Variants in CDK12 observed in about 807,000 individuals in gnomAD.
CDK12 encodes the protein cyclin-dependent kinase 12.
A neutral mutation model predicts 133.8 loss-of-function variants in CDK12; 17 were observed. That is an observed-to-expected ratio of 0.13 (90% CI 0.09 to 0.19). The LOEUF (loss-of-function observed/expected upper bound fraction) is 0.19, where lower values mean the gene tolerates loss of function less well. Ranked by LOEUF, CDK12 falls within the 10% of genes least tolerant of loss-of-function variation. The pLI, the probability that CDK12 is intolerant of heterozygous loss-of-function variation, is 1.00. For missense variants in CDK12, 1,508 were observed against 1,818.7 expected, an observed-to-expected ratio of 0.83 and a Z score of 3.11; for synonymous variants, 694 against 683.6, an observed-to-expected ratio of 1.02 and a Z score of -0.24.
Position 39,498,011 on chromosome 17 carries a change from C to CT in CDK12, c.2420-3229dup, listed in dbSNP as rs67700223. 2.8e-3 allele frequency among the ~76,000 whole-genome samples: 423 copies of CT among 149,012 alleles called. 2 individuals are homozygous for CT. Among genetic ancestry groups the CT allele is most frequent in the African/African-American group, 9.6e-3 (388 of 40,446 alleles). The stretch of plus-strand genomic sequence containing the variant: ...TCTCTCTCTCTTTCTCTCTTTCTTT[C>CT]TTTTTTTTTTGGGACAGAGTCTTGC... On this transcript the variant is annotated intron_variant, in intron 5 of 13. Coordinates refer to ENST00000447079, the MANE Select transcript of CDK12 (RefSeq NM_016507.4).
chr17:39,477,840 T>C (rs1448242165), intron 2 of CDK12, among the ~76,000 whole-genome samples: 2 of 152,062 alleles, frequency 1.3e-5, no homozygotes, highest in Non-Finnish European at 2.9e-5. Context: ...CCCAAAGTGC[T>C]GGGATTACAG....
chr17:39,486,079 A>G (rs560640629), intron 2 of CDK12, among the ~76,000 whole-genome samples: 24 of 150,146 alleles, frequency 1.6e-4, no homozygotes, highest in Non-Finnish European at 2.8e-4. Flanking sequence ...CAGGTTCCCA[A>G]GTAGCTGGGA....
chr17:39,485,962 T>TC (rs1398242744), intron 2 of CDK12, among the ~76,000 whole-genome samples: 1 of 151,528 alleles, frequency 6.6e-6, no homozygotes, highest in African/African-American at 2.4e-5. Flanking sequence ...TTTTTCTTTT[T>TC]TTTTTTTTGA....
intron 7 of CDK12, among the ~76,000 whole-genome samples, chr17:39,510,375 T>C (rs1598113737): frequency 6.6e-6 from 1 of 152,170 alleles, no homozygotes; most frequent in East Asian, 1.9e-4. Context: ...TGCCTCAGCT[T>C]CTCAGAGTGC....
intron 2 of CDK12, among the ~76,000 whole-genome samples, chr17:39,479,308 GAAAAA>G (rs34077108): frequency 1.0e-5 from 1 of 100,448 alleles, no homozygotes; most frequent in African/African-American, 4.0e-5. Flanking sequence ...GACTCCGTCT[GAAAAA>G]AAAAAAAAAA....
intron 2 of CDK12, among the ~76,000 whole-genome samples, chr17:39,489,984 A>T (rs571429800): frequency 1.3e-4 from 20 of 151,856 alleles, no homozygotes; most frequent in Admixed American, 9.2e-4. Context: ...AATCTTAGGA[A>T]CGATATATTA....
chr17:39,492,312 G>T (rs2051688557), intron 3 of CDK12, among the ~76,000 whole-genome samples: 1 of 149,248 alleles, frequency 6.7e-6, no homozygotes, highest in Non-Finnish European at 1.5e-5. Flanking sequence ...TAGCCAGGAT[G>T]GTCTCTATCT....
chr17:39,487,890 C>T lies in CDK12; in HGVS notation c.1932-2667C>T, dbSNP rs555200596. ...TTGGCCTCCCAAAGTGTTGGTATTA[C>T]GGGCATGAGCCACCACACCTGGCTC... is the stretch of plus-strand genomic sequence containing the variant. On this transcript the variant is annotated intron_variant, in intron 2 of 13. Transcript: ENST00000447079. Among the ~76,000 whole-genome samples the T allele has an allele frequency of 3.9e-5, 6 of 152,098 alleles. No individual in the cohort carries two copies. The South Asian group carries it at 1.2e-3, about 32-fold the overall frequency.
At chr17:39,510,026 T>C (rs2053383014) in intron 7 of CDK12, among the ~76,000 whole-genome samples, 1 of 151,760 alleles carries the variant, frequency 6.6e-6, no homozygotes, top group Admixed American at 6.6e-5. Flanking sequence ...AGTCTTGAAC[T>C]CCTGGGCTCA....
chr17:39,520,168 T>G, intron 11 of CDK12, 81 bp downstream of exon 11: 1 of 1,485,324 alleles, frequency 6.7e-7, no homozygotes, highest in African/African-American at 1.4e-5. Flanking sequence ...GAACCACAGA[T>G]GCCCAGTAAG....
chr17:39,537,958 C>G (rs2055218016), downstream of CDK12, among the ~76,000 whole-genome samples: 1 of 152,028 alleles, frequency 6.6e-6, no homozygotes, highest in Non-Finnish European at 1.5e-5. Context: ...CTTAGAGATT[C>G]ACAGTTCATT....
intron 1 of CDK12, among the ~76,000 whole-genome samples, chr17:39,466,001 A>G (rs1043551734): frequency 6.6e-6 from 1 of 152,034 alleles, no homozygotes; most frequent in Admixed American, 6.6e-5. Context: ...AGCATATCTC[A>G]TGTTCTCTTA....
upstream of CDK12, among the ~76,000 whole-genome samples, chr17:39,545,468 G>A (rs576497907): frequency 2.7e-5 from 4 of 147,576 alleles, no homozygotes; most frequent in African/African-American, 7.5e-5. Flanking sequence ...GATTATAGAC[G>A]TGAGCCACTG....
At chr17:39,484,748 G>C (rs1215984668) in intron 2 of CDK12, among the ~76,000 whole-genome samples, 3 of 151,974 alleles carry the variant, frequency 2.0e-5, no homozygotes, top group East Asian at 1.9e-4. Context: ...CCAAAATCAG[G>C]AACATTTTTA....
upstream of CDK12, among the ~76,000 whole-genome samples, chr17:39,545,291 A>C (rs2055629449): frequency 6.6e-6 from 1 of 151,024 alleles, no homozygotes; most frequent in Non-Finnish European, 1.5e-5. Flanking sequence ...GCCTCAGGTG[A>C]TTTCTCCTAC....
intron 8 of CDK12, among the ~76,000 whole-genome samples, chr17:39,512,235 G>A (rs8069155): frequency 0.015 from 2,248 of 152,132 alleles, 57 homozygotes; most frequent in African/African-American, 0.051. Context: ...GACTACAGGC[G>A]TATGTTGCCA....
intron 1 of CDK12, among the ~76,000 whole-genome samples, chr17:39,467,986 C>T (rs917899597): frequency 3.9e-5 from 6 of 151,938 alleles, no homozygotes; most frequent in South Asian, 2.1e-4. Context: ...CTCCGCCTCC[C>T]GGGTTCAAGC....
At chr17:39,491,677 GC>G (rs774623658) in intron 3 of CDK12, among the ~76,000 whole-genome samples, 2 of 150,918 alleles carry the variant, frequency 1.3e-5, no homozygotes, top group Non-Finnish European at 1.5e-5. Context: ...CTATGTCTTA[GC>G]CACTGTGAGA....
intron 12 of CDK12, 23 bp from the exon 13 acceptor site, chr17:39,525,841 T>C (rs979998952): frequency 1.9e-6 from 3 of 1,598,002 alleles, no homozygotes; most frequent in Non-Finnish European, 2.6e-6. Context: ...TCGTCTTATA[T>C]TGGCTTCACT....
Sources: gnomAD v4.1 joint callset for allele counts (sites outside exome capture counted in the v4.1 genomes callset) on GRCh38, gnomAD v4.1.1 for gene constraint, MANE v1.5 for transcripts, NCBI Gene and HGNC (gene_info 2026-07-23, HGNC 2026-07-21) for gene names.